RNF115: variants seen among roughly 807,000 people sequenced by gnomAD.
RNF115 encodes ring finger protein 115, also known as E3 ubiquitin-protein ligase RNF115.
RNF115 carries 31 observed loss-of-function variants against 39.2 expected under a neutral mutation model. The observed-to-expected ratio is 0.79, with a 90% CI of 0.59 to 1.07. The LOEUF is 1.07. Ranked by LOEUF, RNF115 falls within the 50% of genes least tolerant of loss-of-function variation. The pLI is 0.00. For missense variants in RNF115, 384 were observed against 381.7 expected (o/e 1.01, Z -0.05); for synonymous variants, 124 against 131.0 (o/e 0.95, Z 0.37).
chr1:145,752,486 G>A (rs1218795322), intron 5 of RNF115, among the ~76,000 whole-genome samples: 2 of 148,566 alleles, frequency 1.3e-5, no homozygotes, highest in African/African-American at 5.0e-5. Flanking sequence ...TCCTGAGCCT[G>A]AATAATAATA....
rs755628758 is a variant in RNF115 at position 145,742,175 on chromosome 1, AACAGAC to A, written c.*4685_*4690del. Reference sequence around the variant, plus strand: ...CTGTTTTGTTGTTGTTGTCATTTAAAACAGACACAGACTATGCTTCCCTCCTGATTT... The same window carrying A: ...CTGTTTTGTTGTTGTTGTCATTTAAAACAGACTATGCTTCCCTCCTGATTT... On this transcript the variant is annotated 3_prime_UTR_variant, in exon 9 of 9. Transcript: ENST00000582693. The A allele has an allele frequency of 2.0e-5, 3 of 152,164 alleles. No homozygotes were observed. The highest frequency in any genetic ancestry group is 2.9e-5 in the Non-Finnish European group (2 of 68,036). The allele number at this position is 152,164 out of a possible 1,614,324, so 9.4% of individuals were successfully genotyped here. A position where few individuals can be genotyped will look rare whatever the true frequency, so the allele number is the denominator to read the frequency against.
chr1:145,763,994 G>A (rs1286700209), intron 4 of RNF115, among the ~76,000 whole-genome samples: 8 of 146,116 alleles, frequency 5.5e-5, no homozygotes, highest in African/African-American at 2.0e-4. Context: ...CTGCCATCTC[G>A]GCTCACTGCA....
chr1:145,813,542 T>C (rs1649827978), intron 1 of RNF115, among the ~76,000 whole-genome samples: 1 of 152,166 alleles, frequency 6.6e-6, no homozygotes, highest in African/African-American at 2.4e-5. Context: ...CCTTACAGTA[T>C]GTAACTTGAG....
chr1:145,751,351 C>T (rs1658078843), intron 6 of RNF115, 87 bp downstream of exon 6: 3 of 899,810 alleles, frequency 3.3e-6, no homozygotes, highest in Middle Eastern at 3.4e-4. Context: ...GAGTGACTGC[C>T]ATTTCAGAAA....
rs782603154 is a variant in RNF115, at chr1:145,771,928, G to A, written c.220-9C>T. On this transcript the variant is annotated splice_polypyrimidine_tract_variant and intron_variant, in intron 3 of 8. Coordinates refer to ENST00000582693, the MANE Select transcript of RNF115 (RefSeq NM_014455.4). ...TCCAAATGGCCCCAAAGCTAGTAAA[G>A]ACCAGAAATAAGTCACATGTTAGAA... 16 of 1,607,658 alleles carry A rather than the reference G, an allele frequency of 1.0e-5. No homozygotes were observed. The highest frequency in any genetic ancestry group is 1.4e-5 in the Non-Finnish European group (16 of 1,177,086).
At chr1:145,823,601 G>C (rs1487055069) in intron 1 of RNF115, among the ~76,000 whole-genome samples, 171 bp downstream of exon 1, 1 of 152,212 alleles carries the variant, frequency 6.6e-6, no homozygotes, top group Non-Finnish European at 1.5e-5. Flanking sequence ...GTACGGGGCC[G>C]AGGCCGTGAT....
chr1:145,774,839 A>T (rs939153031), intron 3 of RNF115, among the ~76,000 whole-genome samples: 34 of 151,804 alleles, frequency 2.2e-4, no homozygotes, highest in African/African-American at 6.0e-4. Flanking sequence ...TCTTTTTTTT[A>T]AAATTCTATA....
intron 2 of RNF115, among the ~76,000 whole-genome samples, chr1:145,786,762 TAA>T (rs1648397661): frequency 6.6e-6 from 1 of 152,220 alleles, no homozygotes; most frequent in African/African-American, 2.4e-5. Context: ...GTGCCTGAAA[TAA>T]GTTATTTGAT....
At chr1:145,782,225 T>C (rs1366550395) in intron 3 of RNF115, among the ~76,000 whole-genome samples, 1 of 152,100 alleles carries the variant, frequency 6.6e-6, no homozygotes, top group East Asian at 1.9e-4. Context: ...TCTTAAGTGT[T>C]TGCACTTGCT....
rs1018960249 is a variant in RNF115, at chr1:145,745,674, C to G, written c.*1192G>C. ...GTTTTACCTTGTTGGCCAGGCTGGT[C>G]TTGATCTCTTGACCTTGTGATCCGC... On this transcript the variant is annotated 3_prime_UTR_variant, in exon 9 of 9. Transcript: ENST00000582693. 3.3e-5 allele frequency: 5 copies of G among 151,598 alleles called. No homozygotes were observed. The highest frequency in any genetic ancestry group is 1.2e-4 in the African/African-American group (5 of 41,352). The allele number at this position is 151,598 out of a possible 1,614,324, so 9.4% of individuals were successfully genotyped here.
Position 145,764,649 on chromosome 1 carries a change from G to A in RNF115, c.428+7062C>T, listed in dbSNP as rs372413489. Among the ~76,000 whole-genome samples the A allele has an allele frequency of 7.1e-3, 1,032 of 146,348 alleles. 8 individuals are homozygous for A. The highest frequency in any genetic ancestry group is 0.062 in the East Asian group (295 of 4,764). On this transcript the variant is annotated intron_variant, in intron 4 of 8. Coordinates refer to ENST00000582693, the MANE Select transcript of RNF115 (RefSeq NM_014455.4). ...TGAGGAGCCCCTCCACCCGGCAGCCGCCCCGTCTGGGAAGTGAGGAGCGTC... is the reference window on the plus strand; with the variant it reads ...TGAGGAGCCCCTCCACCCGGCAGCCACCCCGTCTGGGAAGTGAGGAGCGTC...
In RNF115 at chr1:145,743,378, G is replaced by A. The variant is rs1328039402; in HGVS notation, c.*3488C>T. The A allele has an allele frequency of 1.3e-5, 2 of 152,210 alleles. No homozygotes were observed. Among genetic ancestry groups the A allele is most frequent in the African/African-American group, 4.8e-5 (2 of 41,408 alleles). The allele number at this position is 152,210 out of a possible 1,614,324, so 9.4% of individuals were successfully genotyped here. On this transcript the variant is annotated 3_prime_UTR_variant, in exon 9 of 9. Transcript: ENST00000582693. ...ACATCAGCTCTTCTAGGGTATCCAA[G>A]CTGGCCTTCAGACTGGAACTACACC...
chr1:145,753,878 G>A (rs1217100114), intron 4 of RNF115, among the ~76,000 whole-genome samples: 1 of 151,986 alleles, frequency 6.6e-6, no homozygotes, highest in Non-Finnish European at 1.5e-5. Flanking sequence ...CACCACACCC[G>A]GCTAATTTTT....
intron 3 of RNF115, among the ~76,000 whole-genome samples, chr1:145,776,744 G>A (rs1166253105): frequency 6.6e-6 from 1 of 152,068 alleles, no homozygotes; most frequent in East Asian, 1.9e-4. Context: ...GCTGAGGCAG[G>A]AGAATTGCTT....
At chr1:145,784,402 G>C (rs1226199123) in intron 3 of RNF115, 137 bp downstream of exon 3, 4 of 748,194 alleles carry the variant, frequency 5.3e-6, no homozygotes, top group Non-Finnish European at 9.2e-6. Context: ...ATCTTCCCAA[G>C]GGTTACTACG....
chr1:145,790,496 G>T (rs1301468454), intron 1 of RNF115, among the ~76,000 whole-genome samples: 1 of 151,628 alleles, frequency 6.6e-6, no homozygotes, highest in Non-Finnish European at 1.5e-5. Flanking sequence ...GCAATGGCAC[G>T]GTCTTGGCTC....
At chr1:145,819,401 G>T (rs587612006) in intron 1 of RNF115, among the ~76,000 whole-genome samples, 5 of 151,684 alleles carry the variant, frequency 3.3e-5, no homozygotes, top group Admixed American at 3.3e-4. Flanking sequence ...GCAGTGAGCC[G>T]TGATCATGCC....
At chr1:145,800,959 A>T (rs1553720806) in intron 1 of RNF115, among the ~76,000 whole-genome samples, 3 of 152,080 alleles carry the variant, frequency 2.0e-5, no homozygotes, top group Non-Finnish European at 4.4e-5. Flanking sequence ...TCACAAAGTC[A>T]GGAGATCGAG....
intron 4 of RNF115, 65 bp from the exon 5 acceptor site, chr1:145,753,114 G>T: frequency 9.2e-7 from 1 of 1,089,540 alleles, no homozygotes; most frequent in Non-Finnish European, 1.4e-6. Flanking sequence ...AGATATCCAT[G>T]GCTGCCTAAT....
Sources: gnomAD v4.1 joint callset for allele counts (sites outside exome capture counted in the v4.1 genomes callset) on GRCh38, gnomAD v4.1.1 for gene constraint, MANE v1.5 for transcripts, NCBI Gene and HGNC (gene_info 2026-07-23, HGNC 2026-07-21) for gene names.